Variants in FGFR1 observed in about 807,000 individuals in gnomAD.
FGFR1 encodes the protein fibroblast growth factor receptor 1.
FGFR1 carries 18 observed loss-of-function variants against 93.7 expected under a neutral mutation model. The ratio of observed to expected loss-of-function variants is 0.19; its 90% confidence interval spans 0.13 to 0.28. FGFR1 has a LOEUF of 0.28. Ranked by LOEUF, FGFR1 falls within the 10% of genes least tolerant of loss-of-function variation. The pLI is 1.00. For missense variants in FGFR1, 731 were observed against 1,080.4 expected (o/e 0.68, Z 4.53); for synonymous variants, 448 against 429.3 (o/e 1.04, Z -0.54).
chr8:38,441,682 C>T (rs760770575), intron 2 of FGFR1, among the ~76,000 whole-genome samples: 57 of 152,304 alleles, frequency 3.7e-4, no homozygotes, highest in Middle Eastern at 3.4e-3. Context: ...GGAGGGCCGT[C>T]CAAGCTCACA....
intron 2 of FGFR1, among the ~76,000 whole-genome samples, chr8:38,442,552 T>A (rs942758372): frequency 6.6e-6 from 1 of 151,852 alleles, no homozygotes; most frequent in East Asian, 1.9e-4. Context: ...GGTGGAGAGA[T>A]GAATCAACGG....
At chr8:38,461,186 A>T (rs2151428222) in intron 1 of FGFR1, 1 of 1,500,214 alleles carries the variant, frequency 6.7e-7, no homozygotes, top group Non-Finnish European at 9.0e-7. Context: ...GATCCAACAT[A>T]CAGGGTGGAC....
At chr8:38,458,321 A>G (rs925230553) in intron 1 of FGFR1, among the ~76,000 whole-genome samples, 3 of 152,152 alleles carry the variant, frequency 2.0e-5, no homozygotes, top group Non-Finnish European at 4.4e-5. Flanking sequence ...TGGGCAGATC[A>G]TTTGAGGTCA....
rs549621874 is a variant in FGFR1 at position 38,462,363 on chromosome 8, G to A, written c.-88-4829C>T. ...TACTAAAAGTACAAAAATTAGCTGC[G>A]TGCAGTGGCGCGCGCCTGTAGTCCC... On this transcript the variant is annotated intron_variant, in intron 1 of 17. Transcript: ENST00000447712. 3.9e-5 allele frequency among the ~76,000 whole-genome samples: 6 copies of A among 152,016 alleles called. No individual in the cohort carries two copies. The East Asian group carries it at 5.9e-4, about 15-fold the overall frequency.
At chr8:38,448,120 A>T (rs1829934700) in intron 2 of FGFR1, among the ~76,000 whole-genome samples, 1 of 152,220 alleles carries the variant, frequency 6.6e-6, no homozygotes, top group Non-Finnish European at 1.5e-5. Flanking sequence ...CTGAAAAGTC[A>T]GGTTTACATA....
chr8:38,418,573 G>A (rs1168586147), intron 9 of FGFR1, 200 bp from the exon 10 acceptor site: 4 of 618,816 alleles, frequency 6.5e-6, no homozygotes, highest in African/African-American at 5.5e-5. Context: ...GCCACAAGCT[G>A]GCCTTTCTGG....
Position 38,468,454 on chromosome 8 carries a change from G to A in FGFR1, c.-562C>T, listed in dbSNP as rs1190254794. The A allele has an allele frequency of 4.4e-6, 1 of 228,788 alleles. No individual in the cohort carries two copies. The highest frequency in any genetic ancestry group is 8.7e-6 in the Non-Finnish European group (1 of 114,996). 14.2% of individuals were successfully genotyped at this position (228,788 alleles called of 1,614,324 possible). On this transcript the variant is annotated 5_prime_UTR_variant, in exon 1 of 18. Coordinates refer to ENST00000447712, the MANE Select transcript of FGFR1 (RefSeq NM_023110.3). ...CAGCGGCGCGCTCGCGGCCGGGGAA[G>A]GCGAGGTCGCCGCAATGCGCTACGA...
Position 38,415,850 on chromosome 8 carries a change from G to A in FGFR1, c.1854+20C>T, listed in dbSNP as rs770658262. ...TGTTCCCACCCTGGCATTACCCAGG[G>A]GAGCCTTCAGGTTCCACACCTTCTT... On this transcript the variant is annotated intron_variant, in intron 13 of 17. Transcript: ENST00000447712. The A allele has an allele frequency of 3.1e-6, 5 of 1,612,168 alleles. No homozygotes were observed. The highest frequency in any genetic ancestry group is 3.4e-6 in the Non-Finnish European group (4 of 1,179,304).
chr8:38,446,318 C>G (rs1223040725), intron 2 of FGFR1, among the ~76,000 whole-genome samples: 1 of 150,818 alleles, frequency 6.6e-6, no homozygotes, highest in Non-Finnish European at 1.5e-5. Flanking sequence ...TCAAGCGATT[C>G]TCCCGCCTCA....
At position 38,429,036 on chromosome 8, in the gene FGFR1, AT is replaced by A. The variant is rs1821835530; in HGVS notation, c.359-602del. The A allele has an allele frequency of 2.9e-6, 1 of 345,016 alleles. No individual in the cohort carries two copies. Among genetic ancestry groups the A allele is most frequent in the African/African-American group, 2.1e-5 (1 of 46,544 alleles). 21.4% of individuals were successfully genotyped at this position (345,016 alleles called of 1,614,324 possible). A position where few individuals can be genotyped will look rare whatever the true frequency, so the allele number is the denominator to read the frequency against. ...CACATGTGGTCACCCATCAGGGTTC[AT>A]GCCAGATCTTTCTCCAGTCCTTCCT... On this transcript the variant is annotated intron_variant, in intron 3 of 17. Transcript: ENST00000447712. This position sits in a 1 kb window ranked among gnomAD's most constrained non-coding sequence, Gnocchi z 4.4.
chr8:38,447,691 G>A (rs182547535), intron 2 of FGFR1, among the ~76,000 whole-genome samples: 2 of 152,234 alleles, frequency 1.3e-5, no homozygotes, highest in Admixed American at 6.5e-5. Flanking sequence ...ATGTTACCAA[G>A]GCTGGTCTCA....
intron 2 of FGFR1, among the ~76,000 whole-genome samples, chr8:38,442,394 T>TGTGTGTGTGC (rs1491339303): frequency 6.8e-6 from 1 of 146,954 alleles, no homozygotes; most frequent in South Asian, 2.2e-4. Flanking sequence ...TGTGTGTGTG[T>TGTGTGTGTGC]GCAGGGGTCC....
chr8:38,437,803 CA>C (rs1208063646), intron 2 of FGFR1, among the ~76,000 whole-genome samples: 2 of 152,194 alleles, frequency 1.3e-5, no homozygotes, highest in Non-Finnish European at 2.9e-5. Context: ...ACTATGAATG[CA>C]GGGCATTCAT....
intron 9 of FGFR1, 127 bp downstream of exon 9, chr8:38,419,406 A>G: frequency 1.2e-6 from 1 of 852,474 alleles, no homozygotes; most frequent in Non-Finnish European, 2.0e-6. Context: ...ATGATATTCC[A>G]CTGTGCCTTG....
At chr8:38,455,676 C>T (rs1021369638) in intron 2 of FGFR1, among the ~76,000 whole-genome samples, 1 of 152,182 alleles carries the variant, frequency 6.6e-6, no homozygotes, top group Non-Finnish European at 1.5e-5. Flanking sequence ...CCAGAGCTAC[C>T]TACTCACCAG....
intron 2 of FGFR1, chr8:38,440,156 T>G: frequency 1.5e-6 from 1 of 659,610 alleles, no homozygotes. Context: ...CAGAGATAAA[T>G]GAGGGGGCAA....
Position 38,468,149 on chromosome 8 carries a change from C to T in FGFR1, c.-257G>A, listed in dbSNP as rs1248932882. ...TCGACTCCCGGCGGCGCTCGGTGCT[C>T]GGCGCCTCCAGCCCGGGCGGGAACA... is the stretch of plus-strand genomic sequence containing the variant. On this transcript the variant is annotated 5_prime_UTR_variant, in exon 1 of 18. Transcript: ENST00000447712. 4.4e-6 allele frequency: 1 copy of T among 227,564 alleles called. No homozygotes were observed. The highest frequency in any genetic ancestry group is 6.1e-5 in the East Asian group (1 of 16,304). 14.1% of individuals were successfully genotyped at this position (227,564 alleles called of 1,614,324 possible). A position where few individuals can be genotyped will look rare whatever the true frequency, so the allele number is the denominator to read the frequency against.
chr8:38,413,944 G>A lies in FGFR1; in HGVS notation c.2266C>T (p.Arg756Cys), dbSNP rs1219463859. The stretch of plus-strand genomic sequence containing the variant: ...TGGTTGGAGGTCAAGGCCACGATGC[G>A]GTCCAGGTCTTCCACCAGCTGCTTG... ...TFKQLVEDLD[R>C]IVALTSNQEY... The change falls in exon 17 of 18, where the codon CGC becomes TGC. Residue 756 changes from arginine to cysteine, a missense_variant. This residue lies in a region of FGFR1 where 79 missense variants were observed against 97.2 expected (regional missense o/e 0.81). Transcript: ENST00000447712. This position sits in a 1 kb window ranked among gnomAD's most constrained non-coding sequence, Gnocchi z 4.2. 10 of 1,613,902 alleles carry A rather than the reference G, an allele frequency of 6.2e-6. No homozygotes were observed. In the Admixed American group the frequency reaches 6.7e-5, roughly 11 times the overall value.
intron 2 of FGFR1, among the ~76,000 whole-genome samples, chr8:38,451,721 A>T (rs1280782062): frequency 6.6e-6 from 1 of 151,974 alleles, no homozygotes; most frequent in East Asian, 1.9e-4. Context: ...CCATTAAATC[A>T]CTTCTGAGCT....
Sources: allele counts gnomAD v4.1 joint callset (sites outside exome capture counted in the v4.1 genomes callset), GRCh38; gene constraint gnomAD v4.1.1; regional missense constraint gnomAD v4.1.1; non-coding constraint Gnocchi (gnomAD v3.1); transcripts MANE v1.5; gene names NCBI Gene and HGNC (gene_info 2026-07-23, HGNC 2026-07-21).